AKAP6: variants seen among roughly 807,000 people sequenced by gnomAD.
AKAP6 encodes A-kinase anchor protein 6.
In AKAP6, 58 loss-of-function variants were observed where a neutral mutation model predicts 188.5. The observed-to-expected ratio is 0.31, with a 90% CI of 0.25 to 0.38. AKAP6 has a LOEUF of 0.38. Ranked by LOEUF, AKAP6 falls within the 10% of genes least tolerant of loss-of-function variation. The probability of loss-of-function intolerance (pLI) is 1.00; values close to 1 mark genes in which losing one functional copy is unlikely to be tolerated. For synonymous variants in AKAP6, 989 were observed against 998.6 expected (o/e 0.99, Z 0.18); for missense variants, 2,710 against 2,740.0 (o/e 0.99, Z 0.24).
At chr14:32,521,581 C>T (rs1881836225) in intron 2 of AKAP6, among the ~76,000 whole-genome samples, 1 of 152,082 alleles carries the variant, frequency 6.6e-6, no homozygotes, top group Non-Finnish European at 1.5e-5. Flanking sequence ...TGAACTCCCA[C>T]TGACAATTGC....
At chr14:32,429,841 A>G (rs1249786373) in intron 1 of AKAP6, among the ~76,000 whole-genome samples, 1 of 152,226 alleles carries the variant, frequency 6.6e-6, no homozygotes, top group Non-Finnish European at 1.5e-5. Context: ...CTTGAATGTA[A>G]GATTTCTTTG....
chr14:32,772,750 C>A (rs1002796907), intron 11 of AKAP6, among the ~76,000 whole-genome samples: 1 of 152,148 alleles, frequency 6.6e-6, no homozygotes, highest in Admixed American at 6.6e-5. Context: ...GTCTTGTTTA[C>A]CCTTGTTGAT....
chr14:32,467,397 G>A (rs1878525195), intron 2 of AKAP6, among the ~76,000 whole-genome samples: 1 of 151,982 alleles, frequency 6.6e-6, no homozygotes, highest in Admixed American at 6.6e-5. Context: ...TGGGTACATG[G>A]GAGTTCATTA....
At chr14:32,652,090 C>A (rs1888255344) in intron 7 of AKAP6, among the ~76,000 whole-genome samples, 1 of 152,122 alleles carries the variant, frequency 6.6e-6, no homozygotes, top group African/African-American at 2.4e-5. Context: ...ACTTTGCATG[C>A]TATGGTTCCA....
At chr14:32,362,924 A>G (rs964058351) in intron 1 of AKAP6, among the ~76,000 whole-genome samples, 2 of 152,174 alleles carry the variant, frequency 1.3e-5, no homozygotes, top group African/African-American at 4.8e-5. Flanking sequence ...GCTGGAGAGC[A>G]GTAGAGAGAG....
At chr14:32,361,643 A>T (rs114030951) in intron 1 of AKAP6, among the ~76,000 whole-genome samples, 1 of 152,226 alleles carries the variant, frequency 6.6e-6, no homozygotes, top group Non-Finnish European at 1.5e-5. Context: ...TTCTACCTGC[A>T]GTTATGATTA....
intron 9 of AKAP6, among the ~76,000 whole-genome samples, chr14:32,705,388 G>A (rs1890772256): frequency 6.6e-6 from 1 of 152,076 alleles, no homozygotes; most frequent in Non-Finnish European, 1.5e-5. Context: ...CCAGAAAAGG[G>A]AACAAAAACA....
rs1001174890 is a variant in AKAP6 at position 32,433,566 on chromosome 14, C to T, written c.73C>T (p.Pro25Ser). 6.2e-7 allele frequency: 1 copy of T among 1,614,140 alleles called. No homozygotes were observed. The highest frequency in any genetic ancestry group is 8.5e-7 in the Non-Finnish European group (1 of 1,180,028). The change falls in exon 2 of 14, where the codon CCC (proline) becomes TCC (serine). Residue 25 changes from proline (P) to serine (S), a missense_variant. Pro to Ser is a moderately conservative substitution (Grantham distance 74). Coordinates refer to ENST00000280979, the MANE Select transcript of AKAP6 (RefSeq NM_004274.5). ...GGATCCCATGGCTACTGATGCTTCA[C>T]CCATGGCCATCAACATGACACCCAC... ...DLDPMATDAS[P>S]MAINMTPTVE...
At position 32,725,788 on chromosome 14, in the gene AKAP6, G is replaced by A. The variant is rs531083645; in HGVS notation, c.3001-6666G>A. On this transcript the variant is annotated intron_variant, in intron 9 of 13. Transcript: ENST00000280979. ...AAATGCAGTTTATAAGGTATTATGA[G>A]TTGAGCCTGGAAATGTTTCCTGAAT... Among the ~76,000 whole-genome samples, 3 of 152,262 alleles carry A rather than the reference G, an allele frequency of 2.0e-5. No homozygotes were observed. The East Asian group carries it at 5.8e-4, about 29-fold the overall frequency.
chr14:32,804,300 T>G (rs1003562072), intron 12 of AKAP6, among the ~76,000 whole-genome samples: 2 of 152,196 alleles, frequency 1.3e-5, no homozygotes, highest in African/African-American at 4.8e-5. Flanking sequence ...CCATCTTACC[T>G]GCTTCTCCAG....
intron 13 of AKAP6, among the ~76,000 whole-genome samples, chr14:32,825,510 A>G (rs1199554053): frequency 6.6e-6 from 1 of 152,160 alleles, no homozygotes; most frequent in Non-Finnish European, 1.5e-5. Flanking sequence ...AGAATTTTTG[A>G]ATTTTGCCTG....
At chr14:32,551,722 G>A (rs1192020387) in intron 4 of AKAP6, among the ~76,000 whole-genome samples, 8 of 151,704 alleles carry the variant, frequency 5.3e-5, no homozygotes, top group African/African-American at 1.9e-4. Context: ...GCAGTGGCAC[G>A]ATCTCGGCTC....
chr14:32,659,639 C>A (rs1888601514), intron 7 of AKAP6, among the ~76,000 whole-genome samples: 1 of 152,108 alleles, frequency 6.6e-6, no homozygotes, highest in African/African-American at 2.4e-5. Context: ...ACCATTCCCA[C>A]TGGGCCTTTG....
chr14:32,492,861 T>A (rs1311992919), intron 2 of AKAP6, among the ~76,000 whole-genome samples: 2 of 152,198 alleles, frequency 1.3e-5, no homozygotes, highest in African/African-American at 4.8e-5. Context: ...TCAAATAATT[T>A]AAAGGTTAAA....
At chr14:32,617,055 G>A (rs1886610676) in intron 7 of AKAP6, 7 of 152,304 alleles carry the variant, frequency 4.6e-5, no homozygotes, top group Admixed American at 4.6e-4. Context: ...TAACCTTACT[G>A]TCGGTGCCTC....
Position 32,830,245 on chromosome 14 carries a change from T to C in AKAP6, c.*440T>C, listed in dbSNP as rs1594996952. The C allele has an allele frequency of 2.9e-6, 1 of 347,204 alleles. No individual in the cohort carries two copies. Among genetic ancestry groups the C allele is most frequent in the East Asian group, 4.8e-5 (1 of 20,926 alleles). 21.5% of individuals were successfully genotyped at this position (347,204 alleles called of 1,614,324 possible). A position where few individuals can be genotyped will look rare whatever the true frequency, so the allele number is the denominator to read the frequency against. On this transcript the variant is annotated 3_prime_UTR_variant, in exon 14 of 14. Transcript: ENST00000280979. ...ACTTGACCAATTTCATGTATCAATC[T>C]GGATTTTTTTTTAACGGTATAATGA...
At chr14:32,534,989 CAA>C (rs10707758) in intron 2 of AKAP6, among the ~76,000 whole-genome samples, 2,257 of 101,948 alleles carry the variant, frequency 0.022, 63 homozygotes, top group African/African-American at 0.065. Context: ...AAAAACAAAC[CAA>C]AAAAAAAAAA....
At chr14:32,551,277 A>G (rs571136235) in intron 4 of AKAP6, among the ~76,000 whole-genome samples, 1 of 152,238 alleles carries the variant, frequency 6.6e-6, no homozygotes, top group East Asian at 1.9e-4. Context: ...CCATCTTTTA[A>G]AAGATGTAAC....
At chr14:32,368,598 C>T (rs1887910099) in intron 1 of AKAP6, among the ~76,000 whole-genome samples, 1 of 151,954 alleles carries the variant, frequency 6.6e-6, no homozygotes, top group Non-Finnish European at 1.5e-5. Flanking sequence ...GAACAGGTAC[C>T]AACATACGCA....
Sources: allele counts gnomAD v4.1 joint callset (sites outside exome capture counted in the v4.1 genomes callset), GRCh38; gene constraint gnomAD v4.1.1; transcripts MANE v1.5; gene names NCBI Gene and HGNC (gene_info 2026-07-23, HGNC 2026-07-21).